NAALADL2: variants seen among roughly 807,000 people sequenced by gnomAD.
The protein encoded by NAALADL2 is N-acetylated alpha-linked acidic dipeptidase like 2.
Under a neutral mutation model 87.2 loss-of-function variants are expected in NAALADL2, and 76 were observed. The observed-to-expected ratio is 0.87, with a 90% CI of 0.72 to 1.05. The LOEUF (loss-of-function observed/expected upper bound fraction) is 1.05, where lower values mean the gene tolerates loss of function less well. NAALADL2 is among the 50% of genes least tolerant of loss of function. The pLI, the probability that NAALADL2 is intolerant of heterozygous loss-of-function variation, is 0.00. For synonymous variants in NAALADL2, 354 were observed against 331.0 expected, an observed-to-expected ratio of 1.07 and a Z score of -0.75; for missense variants, 1,089 against 945.8, an observed-to-expected ratio of 1.15 and a Z score of -1.99.
intron 1 of NAALADL2, among the ~76,000 whole-genome samples, chr3:175,054,864 G>T (rs929993634): frequency 5.3e-5 from 8 of 152,136 alleles, no homozygotes. Context: ...ACTCCCCATT[G>T]TTGTAATAAA....
chr3:175,391,629 A>T (rs1401215986), intron 5 of NAALADL2, among the ~76,000 whole-genome samples: 2 of 152,190 alleles, frequency 1.3e-5, no homozygotes, highest in African/African-American at 2.4e-5. Context: ...AGGAGATCTC[A>T]GCTGAGGTAG....
chr3:175,446,253 G>A (rs1470494059), intron 5 of NAALADL2, among the ~76,000 whole-genome samples: 2 of 138,724 alleles, frequency 1.4e-5, no homozygotes, highest in African/African-American at 5.2e-5. Flanking sequence ...TTTGGGGGGG[G>A]CGGGGGGGAC....
intron 1 of NAALADL2, among the ~76,000 whole-genome samples, chr3:174,903,673 C>T (rs1308736510): frequency 6.6e-6 from 1 of 151,802 alleles, no homozygotes; most frequent in African/African-American, 2.4e-5. Context: ...GACAAGCATG[C>T]AATTCACTGG....
rs1746280662 is a variant in NAALADL2, at chr3:175,749,038, T to A, written c.1991-6182T>A. Among the ~76,000 whole-genome samples, 3 of 149,388 alleles carry A rather than the reference T, an allele frequency of 2.0e-5. No homozygotes were observed. In the Admixed American group the frequency reaches 2.0e-4, roughly 10 times the overall value. On this transcript the variant is annotated intron_variant, in intron 12 of 13. Transcript: ENST00000454872. ...AGAAGGATCTCTTGAGCTCAGGAGG[T>A]CATCCCTGCAGTGAGCTTTGATTGT...
At chr3:175,318,606 G>T (rs1315152926) in intron 4 of NAALADL2, among the ~76,000 whole-genome samples, 3 of 152,080 alleles carry the variant, frequency 2.0e-5, no homozygotes, top group Non-Finnish European at 4.4e-5. Context: ...TTTGCAGTAT[G>T]TACATTCATT....
At chr3:174,750,427 T>A (rs1253761691) in intron 3 of NAALADL2, among the ~76,000 whole-genome samples, 1 of 142,392 alleles carries the variant, frequency 7.0e-6, no homozygotes. Flanking sequence ...TCTTCTTTTT[T>A]ATTTTATTTT....
chr3:174,735,306 T>C (rs1733090929), intron 2 of NAALADL2, among the ~76,000 whole-genome samples: 1 of 152,212 alleles, frequency 6.6e-6, no homozygotes, highest in Non-Finnish European at 1.5e-5. Context: ...GGGCAATGTG[T>C]GGGGCACATT....
intron 2 of NAALADL2, among the ~76,000 whole-genome samples, chr3:175,143,551 C>CAAAA: frequency 8.8e-6 from 1 of 113,408 alleles, no homozygotes; most frequent in Non-Finnish European, 1.8e-5. Context: ...CAATGTTAGC[C>CAAAA]AAAAAAAAAA....
chr3:174,520,184 T>C (rs547709869), intron 1 of NAALADL2, among the ~76,000 whole-genome samples: 67 of 152,304 alleles, frequency 4.4e-4, no homozygotes, highest in Admixed American at 1.4e-3. Context: ...AAATTACCAA[T>C]GTCATTTTTC....
chr3:175,315,495 TCTCTC>T (rs1473957319), intron 4 of NAALADL2, among the ~76,000 whole-genome samples: 2 of 152,164 alleles, frequency 1.3e-5, no homozygotes, highest in African/African-American at 2.4e-5. Flanking sequence ...ATATTTAACT[TCTCTC>T]CTGGGAATAA....
At chr3:175,749,313 G>A (rs958873290) in intron 12 of NAALADL2, among the ~76,000 whole-genome samples, 4 of 152,004 alleles carry the variant, frequency 2.6e-5, no homozygotes, top group Non-Finnish European at 4.4e-5. Flanking sequence ...ATACCCAAGA[G>A]TTTATGCTAA....
At chr3:174,959,888 T>C (rs1012480054) in intron 1 of NAALADL2, among the ~76,000 whole-genome samples, 2 of 152,202 alleles carry the variant, frequency 1.3e-5, no homozygotes, top group East Asian at 1.9e-4. Flanking sequence ...TTGACATCCA[T>C]TGCTTTTGAC....
At chr3:174,729,549 T>C (rs984654482) in intron 2 of NAALADL2, among the ~76,000 whole-genome samples, 1 of 152,060 alleles carries the variant, frequency 6.6e-6, no homozygotes, top group African/African-American at 2.4e-5. Context: ...TATTCATTCA[T>C]TTAGTATTTA....
At chr3:175,793,371 A>G (rs1426691578) in intron 13 of NAALADL2, among the ~76,000 whole-genome samples, 2 of 143,806 alleles carry the variant, frequency 1.4e-5, no homozygotes, top group Non-Finnish European at 3.0e-5. Context: ...TGTAGTGGGC[A>G]CGATCTTGGC....
intron 1 of NAALADL2, chr3:175,079,585 T>G (rs1012929785): frequency 1.2e-4 from 19 of 152,204 alleles, no homozygotes; most frequent in Admixed American, 1.2e-3. Context: ...AATTACTAAC[T>G]ATCTGGGTCT....
intron 13 of NAALADL2, among the ~76,000 whole-genome samples, chr3:175,790,007 T>G (rs1191940408): frequency 2.6e-5 from 4 of 152,098 alleles, no homozygotes; most frequent in Admixed American, 2.6e-4. Flanking sequence ...ATGTAACAAT[T>G]ATTTAGTTAT....
chr3:175,341,107 C>T (rs1413594600), intron 5 of NAALADL2, among the ~76,000 whole-genome samples: 1 of 151,864 alleles, frequency 6.6e-6, no homozygotes, highest in Non-Finnish European at 1.5e-5. Context: ...ACTAATTCAA[C>T]CTATTTTCAT....
At chr3:174,722,866 A>G (rs1347905411) in intron 2 of NAALADL2, among the ~76,000 whole-genome samples, 1 of 152,186 alleles carries the variant, frequency 6.6e-6, no homozygotes, top group Non-Finnish European at 1.5e-5. Context: ...AATTCAGTAA[A>G]TTCAGTAGCA....
chr3:175,665,862 C>T (rs1401221563), intron 11 of NAALADL2, among the ~76,000 whole-genome samples: 2 of 152,106 alleles, frequency 1.3e-5, no homozygotes, highest in African/African-American at 2.4e-5. Context: ...ACCCAGGAGG[C>T]GGACGTTGCA....
Sources: allele counts gnomAD v4.1 joint callset (sites outside exome capture counted in the v4.1 genomes callset), GRCh38; gene constraint gnomAD v4.1.1; transcripts MANE v1.5; gene names NCBI Gene and HGNC (gene_info 2026-07-23, HGNC 2026-07-21).